The following KSR2 variants were observed in gnomAD, a reference collection of about 807,000 sequenced individuals.
KSR2 encodes the protein kinase suppressor of ras 2.
KSR2 carries 25 observed loss-of-function variants against 107.8 expected under a neutral mutation model. The ratio of observed to expected loss-of-function variants is 0.23; its 90% CI spans 0.17 to 0.32. The LOEUF is 0.32. Ranked by LOEUF, KSR2 falls within the 10% of genes least tolerant of loss-of-function variation. KSR2 has a pLI of 1.00. For missense variants in KSR2, 887 were observed against 1,268.9 expected (o/e 0.70, Z 4.57); for synonymous variants, 480 against 507.0 (o/e 0.95, Z 0.71).
intron 4 of KSR2, among the ~76,000 whole-genome samples, chr12:117,756,084 T>C (rs1888779888): frequency 6.6e-6 from 1 of 152,210 alleles, no homozygotes; most frequent in Admixed American, 6.5e-5. Flanking sequence ...TGGAAAGAAG[T>C]TGTCTCCATA....
intron 5 of KSR2, among the ~76,000 whole-genome samples, chr12:117,637,766 C>T (rs973050618): frequency 4.2e-5 from 6 of 142,484 alleles, no homozygotes; most frequent in Non-Finnish European, 7.5e-5. Context: ...ACTGCAACCT[C>T]CACCTCCCAG....
intron 4 of KSR2, among the ~76,000 whole-genome samples, chr12:117,672,725 A>C (rs962299914): frequency 6.6e-6 from 1 of 152,140 alleles, no homozygotes; most frequent in Non-Finnish European, 1.5e-5. Context: ...CCAGGGTTCA[A>C]GGGATTCTCC....
intron 4 of KSR2, among the ~76,000 whole-genome samples, chr12:117,756,869 A>C (rs1201263638): frequency 6.6e-6 from 1 of 152,132 alleles, no homozygotes; most frequent in African/African-American, 2.4e-5. Context: ...AGTTTGGCCA[A>C]CATGATGAAA....
At chr12:117,527,254 G>T (rs1875237247) in intron 12 of KSR2, 135 bp from the exon 13 acceptor site, 1 of 648,304 alleles carries the variant, frequency 1.5e-6, no homozygotes, top group Non-Finnish European at 2.8e-6. Context: ...ATTTCAACAG[G>T]TGTGTCTGAA....
chr12:117,884,509 G>A (rs1894116678), intron 1 of KSR2, among the ~76,000 whole-genome samples: 1 of 152,128 alleles, frequency 6.6e-6, no homozygotes, highest in Non-Finnish European at 1.5e-5. Context: ...GCAGCAAGGG[G>A]GAGAAGCATC....
intron 5 of KSR2, among the ~76,000 whole-genome samples, chr12:117,651,103 A>G (rs12823037): frequency 0.46 from 69,937 of 152,028 alleles, 18,313 homozygotes; most frequent in Non-Finnish European, 0.59. Flanking sequence ...GTAAACTCTG[A>G]TGGACCCTTT....
chr12:117,868,572 T>C (rs894639597), intron 1 of KSR2, among the ~76,000 whole-genome samples: 6 of 152,120 alleles, frequency 3.9e-5, no homozygotes, highest in Admixed American at 1.3e-4. Flanking sequence ...TATTAACATC[T>C]ACATTGTACC....
intron 14 of KSR2, among the ~76,000 whole-genome samples, chr12:117,496,196 T>C (rs568355151): frequency 3.9e-4 from 60 of 152,342 alleles, no homozygotes; most frequent in African/African-American, 1.4e-3. Flanking sequence ...TGGGTGACCT[T>C]CTGCCCTCTC....
intron 1 of KSR2, among the ~76,000 whole-genome samples, chr12:117,952,437 C>T (rs191850666): frequency 6.6e-6 from 1 of 151,836 alleles, no homozygotes; most frequent in Admixed American, 6.6e-5. Flanking sequence ...TCACCTGAGG[C>T]CAAGAGTTCA....
chr12:117,967,328 T>A (rs1012764865), intron 1 of KSR2, among the ~76,000 whole-genome samples: 4 of 152,160 alleles, frequency 2.6e-5, no homozygotes, highest in African/African-American at 9.7e-5. Context: ...ACCCCTTTCC[T>A]CTTTCCTCAC....
chr12:117,869,623 C>T (rs1893587088), intron 1 of KSR2, among the ~76,000 whole-genome samples: 1 of 152,154 alleles, frequency 6.6e-6, no homozygotes, highest in Non-Finnish European at 1.5e-5. Context: ...ACAGCATGCA[C>T]TTTTGTGCAC....
intron 5 of KSR2, among the ~76,000 whole-genome samples, chr12:117,633,926 T>C (rs1026765084): frequency 2.6e-5 from 4 of 152,164 alleles, no homozygotes; most frequent in African/African-American, 9.7e-5. Flanking sequence ...AAGTATGTTT[T>C]TCTAACTGAT....
intron 4 of KSR2, among the ~76,000 whole-genome samples, chr12:117,739,450 A>G (rs953981787): frequency 6.6e-6 from 1 of 152,214 alleles, no homozygotes; most frequent in African/African-American, 2.4e-5. Context: ...TTCCAGCTCC[A>G]TTATAATCGT....
intron 5 of KSR2, among the ~76,000 whole-genome samples, chr12:117,631,787 C>T (rs376863016): frequency 4.8e-4 from 73 of 152,232 alleles, no homozygotes; most frequent in Non-Finnish European, 1.0e-3. Flanking sequence ...AAATAATACA[C>T]AAAAAGTACT....
intron 3 of KSR2, among the ~76,000 whole-genome samples, chr12:117,849,884 G>A (rs779996574): frequency 2.0e-5 from 3 of 152,144 alleles, no homozygotes; most frequent in Non-Finnish European, 4.4e-5. Flanking sequence ...CCCTCACTTT[G>A]GGCCAGAATT....
chr12:117,734,270 G>A (rs1887845145), intron 4 of KSR2, among the ~76,000 whole-genome samples: 1 of 122,656 alleles, frequency 8.2e-6, no homozygotes. Context: ...AATAGAGCGA[G>A]ACTCTGTCTC....
chr12:117,515,074 C>T (rs553686178), intron 14 of KSR2, among the ~76,000 whole-genome samples: 1 of 152,148 alleles, frequency 6.6e-6, no homozygotes, highest in East Asian at 1.9e-4. Flanking sequence ...GAGATCACGA[C>T]ACCGTTGGAG....
intron 4 of KSR2, among the ~76,000 whole-genome samples, chr12:117,685,216 C>T (rs937646877): frequency 6.6e-6 from 1 of 152,224 alleles, no homozygotes. Flanking sequence ...GGCGTCCAGG[C>T]CCGTTGATTT....
chr12:117,556,170 G>A (rs947865804), intron 8 of KSR2, among the ~76,000 whole-genome samples: 1 of 140,154 alleles, frequency 7.1e-6, no homozygotes, highest in Non-Finnish European at 1.5e-5. Context: ...CGCTCTGTAT[G>A]TACAGACACC....
Sources: gnomAD v4.1 joint callset for allele counts (sites outside exome capture counted in the v4.1 genomes callset) on GRCh38, gnomAD v4.1.1 for gene constraint, MANE v1.5 for transcripts, NCBI Gene and HGNC (gene_info 2026-07-23, HGNC 2026-07-21) for gene names.